Variants in MAGT1 observed in about 807,000 individuals in gnomAD.
MAGT1 encodes the protein dolichyl-diphosphooligosaccharide--protein glycosyltransferase subunit MAGT1.
In MAGT1, 4 loss-of-function variants were observed where a neutral mutation model predicts 28.4. The observed-to-expected ratio is 0.14, with a 90% confidence interval of 0.07 to 0.32. The LOEUF is 0.32. MAGT1 is among the 10% of genes least tolerant of loss of function. The pLI is 1.00. For synonymous variants in MAGT1, 89 were observed against 89.7 expected (o/e 0.99, Z 0.04); for missense variants, 193 against 264.5 (o/e 0.73, Z 1.88).
intron 3 of MAGT1, among the ~76,000 whole-genome samples, chrX:77,860,603 G>A (rs782757877): frequency 1.8e-5 from 2 of 109,516 alleles, no homozygotes; most frequent in Admixed American, 9.8e-5. Flanking sequence ...CCAACATGGC[G>A]AAACCCTGTC....
intron 7 of MAGT1, among the ~76,000 whole-genome samples, chrX:77,847,766 C>T (rs1191029575): frequency 9.1e-6 from 1 of 110,004 alleles, no homozygotes; most frequent in Non-Finnish European, 1.9e-5. Flanking sequence ...CACATGCCAC[C>T]ACGCCTGGCT....
At chrX:77,851,949 A>C (rs1313416100) in intron 7 of MAGT1, among the ~76,000 whole-genome samples, 2 of 105,496 alleles carry the variant, frequency 1.9e-5, no homozygotes, top group Non-Finnish European at 3.9e-5. Context: ...CCCACGCTGG[A>C]GAGTAATCAC....
chrX:77,830,102 G>A (rs1048728619), intron 9 of MAGT1, among the ~76,000 whole-genome samples: 3 of 112,235 alleles, frequency 2.7e-5, no homozygotes, highest in African/African-American at 9.7e-5. Context: ...CAGGAGACTC[G>A]CTTGATGCCA....
At position 77,830,892 on chromosome X, in the gene MAGT1, A is replaced by G. The variant is rs1557213327; in HGVS notation, c.905T>C (p.Met302Thr). 1 of 1,093,928 alleles carries G rather than the reference A, an allele frequency of 9.1e-7. No homozygotes were observed. The allele number at this position is 1,093,928 out of a possible 1,213,427, so 90.2% of individuals were successfully genotyped here. The change falls in exon 9 of 10, where the codon ATG (methionine) becomes ACG (threonine). Residue 302 changes from methionine (M) to threonine (T), a missense_variant. By Grantham distance (81) the Met-to-Thr change is moderately conservative. Transcript: ENST00000618282. ...AACAAGTCCAATACCAGCCACACACATTACTGCAGAAAAATAAAAGGAGAG... is the reference window on the plus strand; with the variant it reads ...AACAAGTCCAATACCAGCCACACACGTTACTGCAGAAAAATAAAAGGAGAG... ...SDMDIGKRKI[M>T]CVAGIGLVVL...
intron 1 of MAGT1, among the ~76,000 whole-genome samples, chrX:77,884,268 T>A (rs2077061259): frequency 1.8e-5 from 2 of 112,024 alleles, no homozygotes; most frequent in South Asian, 7.4e-4. Context: ...GATGCTATAA[T>A]CCTTATTCAC....
chrX:77,883,553 CTT>C (rs1166624171), intron 1 of MAGT1, among the ~76,000 whole-genome samples: 5 of 61,698 alleles, frequency 8.1e-5, no homozygotes, highest in Non-Finnish European at 6.3e-5. Flanking sequence ...AATTCATTTT[CTT>C]TTTTTTTTTT....
intron 7 of MAGT1, among the ~76,000 whole-genome samples, chrX:77,842,601 C>A (rs182117804): frequency 9.0e-6 from 1 of 110,642 alleles, no homozygotes; most frequent in Admixed American, 9.8e-5. Context: ...CAGAGGTAGG[C>A]GGATCACCTT....
At chrX:77,882,864 G>A (rs2077056337) in intron 1 of MAGT1, among the ~76,000 whole-genome samples, 3 of 106,799 alleles carry the variant, frequency 2.8e-5, no homozygotes, top group African/African-American at 1.0e-4. Context: ...ATACTCAGGA[G>A]GCTGAGGCAG....
At chrX:77,885,405 C>T (rs1205629783) in intron 1 of MAGT1, 1 of 108,883 alleles carries the variant, frequency 9.2e-6, no homozygotes, top group East Asian at 3.1e-4. Context: ...CGCCTGTAAT[C>T]CCAGCTTCTT....
chrX:77,875,480 C>A lies in MAGT1; in HGVS notation c.220G>T (p.Val74Phe), dbSNP rs376976981. The A allele has an allele frequency of 8.3e-7, 1 of 1,207,562 alleles. No individual in the cohort carries two copies. The highest frequency in any genetic ancestry group is 1.8e-5 in the African/African-American group (1 of 56,569). Residue 74 changes from valine (V) to phenylalanine (F), a missense_variant, in exon 2 of 10, where the codon GTT becomes TTT. Transcript: ENST00000618282. ...TGGAGAGCAGTGAACATGACGATAA[C>A]GGAGTAATTTCTCGGTGGGGCTTTC... is the stretch of plus-strand genomic sequence containing the variant. ...LVKAPPRNYS[V>F]IVMFTALQLH...
chrX:77,892,336 T>C (rs2077085185), intron 1 of MAGT1, among the ~76,000 whole-genome samples: 1 of 112,563 alleles, frequency 8.9e-6, no homozygotes. Context: ...ATTTTGAAAC[T>C]GTGTCTAAGG....
intron 7 of MAGT1, among the ~76,000 whole-genome samples, chrX:77,853,543 C>T (rs1557215710): frequency 8.9e-6 from 1 of 112,129 alleles, no homozygotes; most frequent in African/African-American, 3.2e-5. Flanking sequence ...CCCCTTTACA[C>T]AGCCTTACAC....
intron 8 of MAGT1, among the ~76,000 whole-genome samples, chrX:77,834,305 T>C (rs1173277821): frequency 2.0e-5 from 2 of 101,582 alleles, no homozygotes; most frequent in Non-Finnish European, 4.0e-5. Context: ...TATATATACA[T>C]GTGTGTATAT....
At chrX:77,834,180 G>A (rs2076906765) in intron 8 of MAGT1, among the ~76,000 whole-genome samples, 1 of 98,371 alleles carries the variant, frequency 1.0e-5, no homozygotes, top group Non-Finnish European at 2.0e-5. Flanking sequence ...ATATATATAT[G>A]CATATATGTA....
At chrX:77,834,331 T>TAC (rs781946076) in intron 8 of MAGT1, among the ~76,000 whole-genome samples, 63 of 102,632 alleles carry the variant, frequency 6.1e-4, no homozygotes, top group African/African-American at 1.9e-3. Flanking sequence ...CATATATATA[T>TAC]ACACACACAC....
At chrX:77,887,548 T>A (rs1449921303) in intron 1 of MAGT1, among the ~76,000 whole-genome samples, 1 of 111,806 alleles carries the variant, frequency 8.9e-6, no homozygotes, top group Non-Finnish European at 1.9e-5. Flanking sequence ...AAAATTTTGT[T>A]CCTCTATTGC....
rs201107134 is a variant in MAGT1, at chrX:77,890,997, ATAT to A, written c.102+4309_102+4311del. Among the ~76,000 whole-genome samples, 767 of 110,667 alleles carry A rather than the reference ATAT, an allele frequency of 6.9e-3. 9 individuals carry two copies. The highest frequency in any genetic ancestry group is 0.024 in the African/African-American group (731 of 30,479). On this transcript the variant is annotated intron_variant, in intron 1 of 9. Coordinates refer to ENST00000618282, the MANE Select transcript of MAGT1 (RefSeq NM_001367916.1). ...GCGTGTTCATCACTTTCCACATTTC[ATAT>A]TATTATTATTATTATAGATTCCCAG...
At chrX:77,857,216 G>T in intron 4 of MAGT1, 141 bp downstream of exon 4, 1 of 721,957 alleles carries the variant, frequency 1.4e-6, no homozygotes. Context: ...TCATCAAGAT[G>T]ATTCTGTTTA....
chrX:77,883,963 C>T (rs1296151597), intron 1 of MAGT1, among the ~76,000 whole-genome samples: 4 of 110,955 alleles, frequency 3.6e-5, no homozygotes, highest in Non-Finnish European at 7.5e-5. Flanking sequence ...GAGGTCAAGT[C>T]GGATGGATCA....
Sources: allele counts gnomAD v4.1 joint callset (sites outside exome capture counted in the v4.1 genomes callset), GRCh38; gene constraint gnomAD v4.1.1; transcripts MANE v1.5; gene names NCBI Gene and HGNC (gene_info 2026-07-23, HGNC 2026-07-21).